Variants in COBL observed in about 807,000 individuals in gnomAD.
The protein encoded by COBL is protein cordon-bleu.
Under a neutral mutation model 98.8 loss-of-function variants are expected in COBL, and 51 were observed. The observed-to-expected ratio is 0.52, with a 90% CI of 0.41 to 0.65. COBL has a LOEUF of 0.65. Among genes scored for constraint, COBL ranks in the 30% least tolerant of loss-of-function variants. COBL has a pLI of 0.00. For missense variants in COBL, 1,617 were observed against 1,617.5 expected, an observed-to-expected ratio of 1.00 and a Z score of 0.01; for synonymous variants, 634 against 651.7, an observed-to-expected ratio of 0.97 and a Z score of 0.41.
chr7:51,098,648 A>C (rs916265046), intron 6 of COBL, among the ~76,000 whole-genome samples: 3 of 152,208 alleles, frequency 2.0e-5, no homozygotes, highest in African/African-American at 7.2e-5. Flanking sequence ...CTGAAATTAT[A>C]AAGTTCCTAG....
chr7:51,124,882 G>A (rs534336523), intron 6 of COBL, among the ~76,000 whole-genome samples: 3 of 152,034 alleles, frequency 2.0e-5, no homozygotes, highest in African/African-American at 4.8e-5. Flanking sequence ...GTGCAGCGGC[G>A]TGACCTCAGC....
chr7:51,044,081 T>C (rs941598982), intron 7 of COBL, among the ~76,000 whole-genome samples: 3 of 152,210 alleles, frequency 2.0e-5, no homozygotes, highest in African/African-American at 7.2e-5. Flanking sequence ...ATTAAGACAA[T>C]TAGAGTTTTT....
chr7:51,227,351 G>A (rs185749806), intron 1 of COBL, among the ~76,000 whole-genome samples: 1 of 152,320 alleles, frequency 6.6e-6, no homozygotes, highest in East Asian at 1.9e-4. Context: ...TGGAGTCACA[G>A]GGAGATGGAA....
At chr7:51,077,086 T>C (rs1793157632) in intron 7 of COBL, among the ~76,000 whole-genome samples, 1 of 152,202 alleles carries the variant, frequency 6.6e-6, no homozygotes, top group Non-Finnish European at 1.5e-5. Flanking sequence ...TGAAATCAAA[T>C]GGCGGCAGAA....
At chr7:51,315,580 T>A (rs1177098202) in intron 1 of COBL, among the ~76,000 whole-genome samples, 1 of 151,992 alleles carries the variant, frequency 6.6e-6, no homozygotes. Context: ...CCAACCCTCA[T>A]TCCATTTGCA....
chr7:51,026,902 A>G (rs1481345012), intron 10 of COBL, among the ~76,000 whole-genome samples: 3 of 152,070 alleles, frequency 2.0e-5, no homozygotes, highest in Non-Finnish European at 4.4e-5. Context: ...CGTCTCAGGA[A>G]AAAAAAAGAA....
chr7:51,211,088 A>G (rs748102241), intron 2 of COBL, among the ~76,000 whole-genome samples: 1 of 152,190 alleles, frequency 6.6e-6, no homozygotes, highest in Non-Finnish European at 1.5e-5. Context: ...TCCCTCCACA[A>G]GACCTCAGTA....
At chr7:51,121,457 G>A (rs961803627) in intron 6 of COBL, among the ~76,000 whole-genome samples, 46 of 152,124 alleles carry the variant, frequency 3.0e-4, no homozygotes, top group East Asian at 1.9e-4. Context: ...CCCATTCTGC[G>A]GGTTGCCTTT....
chr7:51,176,824 C>T (rs1283573483), intron 5 of COBL, among the ~76,000 whole-genome samples: 1 of 152,098 alleles, frequency 6.6e-6, no homozygotes, highest in East Asian at 1.9e-4. Context: ...TGTATGTATA[C>T]ATGTGTACAC....
At chr7:51,035,864 T>C (rs556610596) in intron 8 of COBL, 5 of 152,344 alleles carry the variant, frequency 3.3e-5, no homozygotes, top group Admixed American at 3.3e-4. Context: ...TAAACACTCC[T>C]TTGTAAATGC....
chr7:51,105,829 T>C (rs947920523), intron 6 of COBL, among the ~76,000 whole-genome samples: 2 of 151,966 alleles, frequency 1.3e-5, no homozygotes, highest in African/African-American at 2.4e-5. Context: ...TAAGTACTAA[T>C]ACAAAAGAAC....
At chr7:51,101,228 A>G (rs1000409353) in intron 6 of COBL, among the ~76,000 whole-genome samples, 1 of 152,248 alleles carries the variant, frequency 6.6e-6, no homozygotes, top group Non-Finnish European at 1.5e-5. Flanking sequence ...AGACCCTTCA[A>G]TAAAGACAAG....
chr7:51,029,076 T>C lies in COBL; in HGVS notation c.2020A>G (p.Lys674Glu), dbSNP rs1392960630. Residue 674 changes from lysine to glutamate, a missense_variant, in exon 10 of 13, where the codon AAG (lysine) becomes GAG (glutamate). By Grantham distance (56) the Lys-to-Glu change is moderately conservative. Around this residue, in one of 3 missense-constraint regions of COBL, gnomAD observed 1,304 missense variants for 1,282.0 expected, o/e 1.02. Transcript: ENST00000265136. ...ERVNSQPVNEKDSNDKNAALA... is the reference protein window; with the variant it reads ...ERVNSQPVNEEDSNDKNAALA... ...GCAGCGTTTTTATCGTTGCTGTCCT[T>C]TTCATTCACCGGTTGGGAATTCACT... The C allele has an allele frequency of 5.0e-6, 8 of 1,614,220 alleles. No homozygotes were observed. Among genetic ancestry groups the C allele is most frequent in the Non-Finnish European group, 6.8e-6 (8 of 1,180,046 alleles).
rs1347614881 is a variant in COBL at position 51,028,974 on chromosome 7, A to G, written c.2122T>C (p.Tyr708His). 1.9e-6 allele frequency: 3 copies of G among 1,614,086 alleles called. 1 individual carries two copies. The Admixed American group carries it at 5.0e-5, about 27-fold the overall frequency. Residue 708 changes from tyrosine to histidine, a missense_variant, in exon 10 of 13, where the codon TAT becomes CAT. Coordinates refer to ENST00000265136, the MANE Select transcript of COBL (RefSeq NM_015198.5). ...SYRLKHGLTT[Y>H]KIIPPKSEMR... ...TCTGACTTTGGAGGAATGATTTTAT[A>G]CGTTGTGAGGCCGTGCTTAAGTCTG...
At chr7:51,226,595 T>A (rs1222220122) in intron 1 of COBL, among the ~76,000 whole-genome samples, 1 of 151,898 alleles carries the variant, frequency 6.6e-6, no homozygotes, top group Admixed American at 6.6e-5. Context: ...AGGGAGTGAG[T>A]TGGGATTCAG....
intron 1 of COBL, among the ~76,000 whole-genome samples, chr7:51,247,019 T>C (rs1796322552): frequency 6.6e-6 from 1 of 152,144 alleles, no homozygotes; most frequent in South Asian, 2.1e-4. Context: ...CACCAAGCAG[T>C]GCGGGCCTGC....
intron 7 of COBL, among the ~76,000 whole-genome samples, chr7:51,058,721 C>T (rs763874868): frequency 2.6e-5 from 4 of 152,182 alleles, no homozygotes; most frequent in Non-Finnish European, 4.4e-5. Context: ...TCAGGAGCTT[C>T]ATGGAGAGGC....
intron 1 of COBL, among the ~76,000 whole-genome samples, chr7:51,278,089 A>T (rs1458141325): frequency 2.0e-5 from 3 of 152,166 alleles, no homozygotes; most frequent in African/African-American, 4.8e-5. Flanking sequence ...TCTCTGAACT[A>T]AAAACATAGT....
intron 6 of COBL, among the ~76,000 whole-genome samples, chr7:51,109,353 G>T (rs1225141833): frequency 2.6e-5 from 4 of 152,154 alleles, no homozygotes; most frequent in Non-Finnish European, 5.9e-5. Context: ...AGACATTTCA[G>T]CTCCAACTGG....
Sources: gnomAD v4.1 joint callset for allele counts (sites outside exome capture counted in the v4.1 genomes callset) on GRCh38, gnomAD v4.1.1 for gene constraint, gnomAD v4.1.1 regional missense constraint, MANE v1.5 for transcripts, NCBI Gene and HGNC (gene_info 2026-07-23, HGNC 2026-07-21) for gene names.